GOLM1: variants seen among roughly 807,000 people sequenced by gnomAD.
The protein encoded by GOLM1 is golgi membrane protein 1.
A neutral mutation model predicts 50.5 loss-of-function variants in GOLM1; 31 were observed. The ratio of observed to expected loss-of-function variants is 0.61; its 90% CI spans 0.46 to 0.83. GOLM1 has a LOEUF of 0.83. GOLM1 is among the 40% of genes least tolerant of loss of function. The probability of loss-of-function intolerance (pLI) is 0.00; values close to 1 mark genes in which losing one functional copy is unlikely to be tolerated. For missense variants in GOLM1, 491 were observed against 501.3 expected (o/e 0.98, Z 0.20); for synonymous variants, 178 against 192.8 (o/e 0.92, Z 0.64).
chr9:86,037,417 C>T lies in GOLM1; in HGVS notation c.598-910G>A, dbSNP rs150472864. 9.9e-3 allele frequency among the ~76,000 whole-genome samples: 1,311 copies of T among 132,228 alleles called. 21 individuals are homozygous for T. Among genetic ancestry groups the T allele is most frequent in the African/African-American group, 0.034 (1,174 of 34,418 alleles). The allele number at this position is 132,228 out of a possible 152,430, so 86.7% of individuals were successfully genotyped here. A position where few individuals can be genotyped will look rare whatever the true frequency, so the allele number is the denominator to read the frequency against. On this transcript the variant is annotated intron_variant, in intron 6 of 9. Transcript: ENST00000388712. Reference sequence around the variant, plus strand: ...CATGCCATTGCATTCCAGCCTGGGGCGACAGAGCGAGACTGTCTCTCAAAA... The same window carrying T: ...CATGCCATTGCATTCCAGCCTGGGGTGACAGAGCGAGACTGTCTCTCAAAA...
chr9:86,033,386 TG>T lies in GOLM1; in HGVS notation c.1024del (p.Gln342SerfsTer4), dbSNP rs1454501211. On this transcript the variant is annotated frameshift_variant, in exon 9 of 10. Transcript: ENST00000388712. LOFTEE classifies it high-confidence loss of function. ...GTCATCTTCTCCTCTCAGTTTCTGC[TG>T]GTTTCTCCCTGTAAAATTAGCACAT... ...EQEAAGEGRN[Q>X]QKLRGEDDYN... 6.2e-7 allele frequency: 1 copy of T among 1,600,638 alleles called. No homozygotes were observed. The highest frequency in any genetic ancestry group is 1.7e-5 in the Admixed American group (1 of 60,002).
rs1832817966 is a variant in GOLM1, at chr9:86,027,392, G to A, written c.*425C>T. 3.0e-6 allele frequency: 3 copies of A among 993,182 alleles called. No individual in the cohort carries two copies. The South Asian group carries it at 1.4e-4, about 45-fold the overall frequency. The allele number at this position is 993,182 out of a possible 1,614,324, so 61.5% of individuals were successfully genotyped here. A position where few individuals can be genotyped will look rare whatever the true frequency, so the allele number is the denominator to read the frequency against. ...GAGAACAGGTAACAGGCTGGCACCA[G>A]CACTTGGTACAGCACGTGGACAGGA... is the stretch of plus-strand genomic sequence containing the variant. On this transcript the variant is annotated 3_prime_UTR_variant, in exon 10 of 10. Coordinates refer to ENST00000388712, the MANE Select transcript of GOLM1 (RefSeq NM_016548.4).
intron 1 of GOLM1, among the ~76,000 whole-genome samples, chr9:86,089,373 C>T (rs555667919): frequency 3.9e-5 from 6 of 152,128 alleles, no homozygotes; most frequent in Non-Finnish European, 8.8e-5. Flanking sequence ...TCCATTCCCC[C>T]CCTCACTTTC....
intron 1 of GOLM1, among the ~76,000 whole-genome samples, chr9:86,090,849 C>T (rs1258120279): frequency 4.0e-5 from 6 of 151,186 alleles, no homozygotes; most frequent in Admixed American, 2.0e-4. Context: ...CCCAAATGGC[C>T]GCCCAGTTTT....
chr9:86,086,871 T>A (rs769106838), intron 1 of GOLM1, among the ~76,000 whole-genome samples: 1 of 152,208 alleles, frequency 6.6e-6, no homozygotes, highest in Non-Finnish European at 1.5e-5. Flanking sequence ...TGGTACAGTT[T>A]GAAGTCAGGC....
intron 5 of GOLM1, among the ~76,000 whole-genome samples, chr9:86,043,919 A>G (rs1024738009): frequency 1.3e-5 from 2 of 152,194 alleles, no homozygotes; most frequent in African/African-American, 4.8e-5. Context: ...TTGTGTTTCA[A>G]TCTATATGAG....
At position 86,033,388 on chromosome 9, in the gene GOLM1, G is replaced by C. The variant is rs760906423; in HGVS notation, c.1023C>G (p.Asn341Lys). Residue 341 changes from asparagine to lysine, a missense_variant, in exon 9 of 10, where the codon AAC becomes AAG. Physicochemically the swap from Asn to Lys is moderately conservative, Grantham distance 94. Transcript: ENST00000388712. ...CATCTTCTCCTCTCAGTTTCTGCTGGTTTCTCCCTGTAAAATTAGCACATA... is the reference window on the plus strand; with the variant it reads ...CATCTTCTCCTCTCAGTTTCTGCTGCTTTCTCCCTGTAAAATTAGCACATA... ...EEQEAAGEGRNQQKLRGEDDY... is the reference protein window; with the variant it reads ...EEQEAAGEGRKQQKLRGEDDY... 1 of 1,588,866 alleles carries C rather than the reference G, an allele frequency of 6.3e-7. No homozygotes were observed. The highest frequency in any genetic ancestry group is 1.3e-5 in the African/African-American group (1 of 74,542).
At chr9:86,029,331 T>C (rs1480895386) in intron 9 of GOLM1, among the ~76,000 whole-genome samples, 2 of 151,774 alleles carry the variant, frequency 1.3e-5, no homozygotes, top group Non-Finnish European at 2.9e-5. Context: ...ATCACCACGC[T>C]CCTGTGCGGC....
chr9:86,097,907 T>G (rs921740294), intron 1 of GOLM1, among the ~76,000 whole-genome samples: 11 of 152,188 alleles, frequency 7.2e-5, no homozygotes, highest in African/African-American at 2.7e-4. Context: ...GCGGGTGGAA[T>G]GTAAATGCAA....
At chr9:86,034,564 G>C (rs1388387625) in intron 8 of GOLM1, among the ~76,000 whole-genome samples, 1 of 152,192 alleles carries the variant, frequency 6.6e-6, no homozygotes, top group Admixed American at 6.5e-5. Context: ...GGTGAGCACG[G>C]AACACAAGGA....
At chr9:86,037,738 A>G (rs185290886) in intron 6 of GOLM1, among the ~76,000 whole-genome samples, 2 of 152,174 alleles carry the variant, frequency 1.3e-5, no homozygotes, top group Non-Finnish European at 2.9e-5. Context: ...CAATACAGAG[A>G]GTCCCGGCTC....
Position 86,026,258 on chromosome 9 carries a change from G to A in GOLM1, c.*1559C>T, listed in dbSNP as rs1832777414. On this transcript the variant is annotated 3_prime_UTR_variant, in exon 10 of 10. Transcript: ENST00000388712. ...AGAAAATTCCTATCAACCCCAAGGA[G>A]GACTCAAAGTGAGGCTGGAAGAGGA... The A allele has an allele frequency of 1.0e-6, 1 of 984,784 alleles. No homozygotes were observed. The highest frequency in any genetic ancestry group is 1.1e-4 in the East Asian group (1 of 8,816). The allele number at this position is 984,784 out of a possible 1,614,324, so 61.0% of individuals were successfully genotyped here. A position where few individuals can be genotyped will look rare whatever the true frequency, so the allele number is the denominator to read the frequency against.
intron 1 of GOLM1, among the ~76,000 whole-genome samples, chr9:86,091,008 G>A (rs1835168014): frequency 6.6e-6 from 1 of 152,082 alleles, no homozygotes. Flanking sequence ...TTGGCTAGGG[G>A]AGGAGTTCCC....
At chr9:86,090,812 A>C (rs914423656) in intron 1 of GOLM1, among the ~76,000 whole-genome samples, 9 of 147,790 alleles carry the variant, frequency 6.1e-5, no homozygotes, top group Admixed American at 2.7e-4. Context: ...AAAAAAAAAA[A>C]AACTCCTGCA....
Position 86,026,876 on chromosome 9 carries a change from A to G in GOLM1, c.*941T>C, listed in dbSNP as rs1832802381. 2 of 983,996 alleles carry G rather than the reference A, an allele frequency of 2.0e-6. No homozygotes were observed. The highest frequency in any genetic ancestry group is 2.4e-6 in the Non-Finnish European group (2 of 828,816). 61.0% of individuals were successfully genotyped at this position (983,996 alleles called of 1,614,324 possible). On this transcript the variant is annotated 3_prime_UTR_variant, in exon 10 of 10. Coordinates refer to ENST00000388712, the MANE Select transcript of GOLM1 (RefSeq NM_016548.4). ...TATTCCTGTTTTTCTAAACAGTCCT[A>G]ATTTCTAACACTGTATATATCCTTC...
intron 9 of GOLM1, among the ~76,000 whole-genome samples, chr9:86,028,298 C>A (rs1310591688): frequency 6.6e-6 from 1 of 152,220 alleles, no homozygotes; most frequent in Non-Finnish European, 1.5e-5. Context: ...AAGAGGAACA[C>A]ACTGGCAGAA....
intron 3 of GOLM1, among the ~76,000 whole-genome samples, chr9:86,072,255 T>C (rs945921485): frequency 6.6e-6 from 1 of 152,228 alleles, no homozygotes; most frequent in Admixed American, 6.5e-5. Flanking sequence ...ACTGTATTTA[T>C]GATGTTTTTT....
rs114457492 is a variant in GOLM1 at position 86,075,949 on chromosome 9, A to T, written c.309+1463T>A. Reference sequence around the variant, plus strand: ...TGCAAATATAGGAAAGTACTCTGCAAATTAAACAACAAAAAAAGTACTTCT... The same window carrying T: ...TGCAAATATAGGAAAGTACTCTGCATATTAAACAACAAAAAAAGTACTTCT... On this transcript the variant is annotated intron_variant, in intron 3 of 9. Coordinates refer to ENST00000388712, the MANE Select transcript of GOLM1 (RefSeq NM_016548.4). Among the ~76,000 whole-genome samples, 744 of 152,296 alleles carry T rather than the reference A, an allele frequency of 4.9e-3. 6 individuals are homozygous for T. The highest frequency in any genetic ancestry group is 0.017 in the African/African-American group (703 of 41,546).
intron 3 of GOLM1, among the ~76,000 whole-genome samples, chr9:86,073,028 A>G (rs1834495866): frequency 6.6e-6 from 1 of 152,264 alleles, no homozygotes; most frequent in Admixed American, 6.5e-5. Flanking sequence ...CATGTGGCGC[A>G]TGACTGCATA....
Sources: gnomAD v4.1 joint callset for allele counts (sites outside exome capture counted in the v4.1 genomes callset) on GRCh38, gnomAD v4.1.1 for gene constraint, MANE v1.5 for transcripts, NCBI Gene and HGNC (gene_info 2026-07-23, HGNC 2026-07-21) for gene names.